COL9A1: variants seen among roughly 807,000 people sequenced by gnomAD.
COL9A1 encodes collagen alpha-1(IX) chain.
A neutral mutation model predicts 142.6 loss-of-function variants in COL9A1; 104 were observed. The observed-to-expected ratio is 0.73, with a 90% CI of 0.62 to 0.86. The LOEUF is 0.86. Among genes scored for constraint, COL9A1 ranks in the 40% least tolerant of loss-of-function variants. The pLI is 0.00. For missense variants in COL9A1, 1,210 were observed against 1,176.6 expected, an observed-to-expected ratio of 1.03 and a Z score of -0.42; for synonymous variants, 466 against 396.0, an observed-to-expected ratio of 1.18 and a Z score of -2.10.
chr6:70,286,123 T>C (rs1317879276), intron 5 of COL9A1, among the ~76,000 whole-genome samples: 2 of 152,114 alleles, frequency 1.3e-5, no homozygotes, highest in African/African-American at 4.8e-5. Flanking sequence ...TCTTGACATC[T>C]TGATCCGCCT....
Position 70,236,112 on chromosome 6 carries a change from C to CAA in COL9A1, c.2113-1174_2113-1173dup, listed in dbSNP as rs368419095. Among the ~76,000 whole-genome samples the CAA allele has an allele frequency of 2.3e-3, 115 of 49,014 alleles. 8 individuals carry two copies. The highest frequency in any genetic ancestry group is 8.3e-3 in the South Asian group (6 of 724). 32.2% of individuals were successfully genotyped at this position (49,014 alleles called of 152,430 possible). A position where few individuals can be genotyped will look rare whatever the true frequency, so the allele number is the denominator to read the frequency against. Reference sequence around the variant, plus strand: ...TGGGTGACAGAGCGAGACTCCATCTCAAAAAAAAAAAAAAAAAAAAAAAAA... The same window carrying CAA: ...TGGGTGACAGAGCGAGACTCCATCTCAAAAAAAAAAAAAAAAAAAAAAAAAAA... On this transcript the variant is annotated intron_variant, in intron 33 of 37. Coordinates refer to ENST00000357250, the MANE Select transcript of COL9A1 (RefSeq NM_001851.6).
At chr6:70,301,625 G>A (rs972277973) in intron 2 of COL9A1, among the ~76,000 whole-genome samples, 1 of 151,966 alleles carries the variant, frequency 6.6e-6, no homozygotes, top group African/African-American at 2.4e-5. Flanking sequence ...AACCATAATG[G>A]TACATCAAAC....
chr6:70,290,002 A>C (rs1331333471), intron 5 of COL9A1, among the ~76,000 whole-genome samples: 3 of 152,196 alleles, frequency 2.0e-5, no homozygotes, highest in Admixed American at 1.3e-4. Context: ...GAAAATAAAC[A>C]CAGAGCCACG....
chr6:70,264,568 A>C (rs566445302), intron 18 of COL9A1, among the ~76,000 whole-genome samples: 136 of 152,120 alleles, frequency 8.9e-4, no homozygotes, highest in African/African-American at 3.2e-3. Context: ...AAAATATAAA[A>C]CTAGATACAA....
intron 6 of COL9A1, 92 bp from the exon 7 acceptor site, chr6:70,283,010 G>A (rs754123686): frequency 6.2e-7 from 1 of 1,612,782 alleles, no homozygotes; most frequent in Non-Finnish European, 8.5e-7. Flanking sequence ...AGCCCCAACA[G>A]CAGCAGCCCC....
chr6:70,240,620 A>C, intron 32 of COL9A1, 69 bp downstream of exon 32: 2 of 955,442 alleles, frequency 2.1e-6, no homozygotes, highest in Middle Eastern at 3.0e-4. Context: ...TGTTAGAAGT[A>C]TATATATATA....
chr6:70,215,211 A>G (rs773628547), downstream of COL9A1: 4 of 152,198 alleles, frequency 2.6e-5, no homozygotes, highest in Non-Finnish European at 2.9e-5. Context: ...AGTCTATGTA[A>G]ATAGCACTGA....
chr6:70,283,901 T>A, intron 5 of COL9A1, 81 bp from the exon 6 acceptor site: 1 of 976,854 alleles, frequency 1.0e-6, no homozygotes, highest in Non-Finnish European at 1.6e-6. Context: ...GAGTTGCGTC[T>A]AATTGTTAAA....
At chr6:70,225,852 T>C in intron 37 of COL9A1, 80 bp downstream of exon 37, 1 of 1,043,126 alleles carries the variant, frequency 9.6e-7, no homozygotes, top group Non-Finnish European at 1.5e-6. Context: ...TAACAATTAT[T>C]TTAAAATTTT....
At chr6:70,291,036 C>T (rs916782308) in intron 5 of COL9A1, among the ~76,000 whole-genome samples, 8 of 152,062 alleles carry the variant, frequency 5.3e-5, no homozygotes, top group African/African-American at 1.7e-4. Context: ...TCTAAGTCTT[C>T]TAAGGGACAG....
At chr6:70,242,595 C>T (rs1318420084) in intron 29 of COL9A1, 67 bp downstream of exon 29, 1 of 1,364,242 alleles carries the variant, frequency 7.3e-7, no homozygotes, top group East Asian at 2.3e-5. Context: ...TTGTTTTCTC[C>T]TCTTGCTTAT....
intron 5 of COL9A1, among the ~76,000 whole-genome samples, chr6:70,287,825 A>G (rs1479186690): frequency 6.6e-6 from 1 of 152,106 alleles, no homozygotes; most frequent in Non-Finnish European, 1.5e-5. Context: ...AGGGCACCAC[A>G]ATCTCCTGGT....
intron 18 of COL9A1, 107 bp downstream of exon 18, chr6:70,266,610 G>T: frequency 2.2e-6 from 2 of 894,532 alleles, no homozygotes; most frequent in Non-Finnish European, 1.9e-6. Context: ...AAAAAAGAAT[G>T]GTAAAATATC....
chr6:70,273,372 C>T (rs1772529485), intron 12 of COL9A1, among the ~76,000 whole-genome samples: 1 of 151,986 alleles, frequency 6.6e-6, no homozygotes, highest in Admixed American at 6.6e-5. Context: ...GGGAGAAAGG[C>T]CAGCAAGCTG....
chr6:70,249,549 G>C (rs6455358), intron 28 of COL9A1, among the ~76,000 whole-genome samples: 23,366 of 151,998 alleles, frequency 0.15, 2,072 homozygotes, highest in Non-Finnish European at 0.21. Flanking sequence ...GAAATGAAGA[G>C]TCAAATATAA....
chr6:70,231,658 T>C (rs916440890), intron 36 of COL9A1, among the ~76,000 whole-genome samples: 4 of 151,984 alleles, frequency 2.6e-5, no homozygotes, highest in African/African-American at 9.7e-5. Context: ...GGCAGCTTGC[T>C]TGCCATCTGA....
intron 36 of COL9A1, among the ~76,000 whole-genome samples, chr6:70,232,242 A>AAAAT (rs549753234): frequency 5.3e-4 from 81 of 152,338 alleles, no homozygotes; most frequent in African/African-American, 1.6e-3. Context: ...AGGGTCTCAA[A>AAAAT]AAATAAATAA....
chr6:70,256,641 C>T lies in COL9A1; in HGVS notation c.1503+127G>A, dbSNP rs529581638. 1.1e-3 allele frequency: 683 copies of T among 634,262 alleles called. 1 individual carries two copies. The highest frequency in any genetic ancestry group is 1.7e-3 in the Non-Finnish European group (632 of 375,532). The allele number at this position is 634,262 out of a possible 1,614,324, so 39.3% of individuals were successfully genotyped here. The stretch of plus-strand genomic sequence containing the variant: ...TGTCTTAATTAAATTTAAATTTAAA[C>T]ATATATATATAAATTGTCCACTTTT... On this transcript the variant is annotated intron_variant, in intron 21 of 37. Coordinates refer to ENST00000357250, the MANE Select transcript of COL9A1 (RefSeq NM_001851.6).
At chr6:70,245,445 C>A (rs1770532633) in intron 28 of COL9A1, among the ~76,000 whole-genome samples, 1 of 152,178 alleles carries the variant, frequency 6.6e-6, no homozygotes, top group Non-Finnish European at 1.5e-5. Flanking sequence ...TTACCCATGG[C>A]ACCGGTAACC....
Sources: allele counts gnomAD v4.1 joint callset (sites outside exome capture counted in the v4.1 genomes callset), GRCh38; gene constraint gnomAD v4.1.1; transcripts MANE v1.5; gene names NCBI Gene and HGNC (gene_info 2026-07-23, HGNC 2026-07-21).